Variants in ATRNL1 observed in about 807,000 individuals in gnomAD.
ATRNL1 encodes the protein attractin-like protein 1.
A neutral mutation model predicts 182.7 loss-of-function variants in ATRNL1; 95 were observed. The ratio of observed to expected loss-of-function variants is 0.52; its 90% CI spans 0.44 to 0.62. The LOEUF (loss-of-function observed/expected upper bound fraction) is 0.62. Ranked by LOEUF, ATRNL1 falls within the 20% of genes least tolerant of loss-of-function variation. ATRNL1 has a pLI of 0.00. For synonymous variants in ATRNL1, 576 were observed against 568.3 expected (o/e 1.01, Z -0.19); for missense variants, 1,471 against 1,679.5 (o/e 0.88, Z 2.17).
intron 26 of ATRNL1, among the ~76,000 whole-genome samples, chr10:115,629,299 G>A (rs1399575052): frequency 6.6e-6 from 1 of 152,134 alleles, no homozygotes; most frequent in Non-Finnish European, 1.5e-5. Flanking sequence ...AACAATTTAA[G>A]TTCAGTCTGA....
At chr10:115,136,670 A>G (rs1295541393) in intron 5 of ATRNL1, among the ~76,000 whole-genome samples, 2 of 152,200 alleles carry the variant, frequency 1.3e-5, no homozygotes, top group Non-Finnish European at 2.9e-5. Context: ...TTTCCCAAAT[A>G]TCATATGGTT....
chr10:115,531,912 C>G (rs1382833198), intron 25 of ATRNL1, among the ~76,000 whole-genome samples: 2 of 145,620 alleles, frequency 1.4e-5, no homozygotes, highest in Non-Finnish European at 3.1e-5. Context: ...TTGTTTTTCT[C>G]AGGTTTGTCA....
intron 26 of ATRNL1, among the ~76,000 whole-genome samples, chr10:115,622,436 GT>G (rs1857828188): frequency 6.6e-6 from 1 of 152,166 alleles, no homozygotes; most frequent in South Asian, 2.1e-4. Flanking sequence ...ATTGGCAAAA[GT>G]TTTTGTTACA....
Position 115,810,203 on chromosome 10 carries a change from A to G in ATRNL1, c.3904-37674A>G, listed in dbSNP as rs544134498. Among the ~76,000 whole-genome samples, 6 of 152,028 alleles carry G rather than the reference A, an allele frequency of 3.9e-5. No individual in the cohort carries two copies. The East Asian group carries it at 9.7e-4, about 24-fold the overall frequency. ...ATTCAATTTGCCAATTTGTAAAAGG[A>G]TTTTTACTGAGATGTTGATAAAGTA... On this transcript the variant is annotated intron_variant, in intron 27 of 28. Transcript: ENST00000355044.
intron 20 of ATRNL1, among the ~76,000 whole-genome samples, chr10:115,416,182 T>A (rs377668663): frequency 6.6e-6 from 1 of 152,118 alleles, no homozygotes; most frequent in South Asian, 2.1e-4. Flanking sequence ...AAAGAATAAA[T>A]AATGTCTTTC....
At chr10:115,220,162 C>G (rs1036217483) in intron 9 of ATRNL1, among the ~76,000 whole-genome samples, 5 of 152,120 alleles carry the variant, frequency 3.3e-5, no homozygotes, top group African/African-American at 1.2e-4. Context: ...GCAGTCTCTC[C>G]TAAAAGACTA....
intron 21 of ATRNL1, among the ~76,000 whole-genome samples, chr10:115,430,161 T>C (rs953409795): frequency 5.9e-5 from 9 of 152,318 alleles, no homozygotes; most frequent in Non-Finnish European, 7.4e-5. Flanking sequence ...TGCTATCTTC[T>C]TTTAAAACAG....
intron 5 of ATRNL1, among the ~76,000 whole-genome samples, chr10:115,141,099 A>G (rs190463807): frequency 2.0e-5 from 3 of 152,194 alleles, no homozygotes; most frequent in Non-Finnish European, 2.9e-5. Flanking sequence ...TGGAATATAA[A>G]CTCCAAGAAG....
chr10:115,164,895 T>G (rs1406294368), intron 6 of ATRNL1, among the ~76,000 whole-genome samples: 2 of 152,074 alleles, frequency 1.3e-5, no homozygotes, highest in African/African-American at 4.8e-5. Flanking sequence ...AAGGAATAAG[T>G]TGTAGTATTT....
chr10:115,698,320 G>A (rs782732850), intron 26 of ATRNL1, among the ~76,000 whole-genome samples: 1 of 152,100 alleles, frequency 6.6e-6, no homozygotes, highest in Non-Finnish European at 1.5e-5. Flanking sequence ...CATGATTTTT[G>A]TGAATTTTGC....
chr10:115,454,967 C>T (rs1383412617), intron 21 of ATRNL1, among the ~76,000 whole-genome samples: 10 of 152,100 alleles, frequency 6.6e-5, no homozygotes, highest in Non-Finnish European at 1.3e-4. Context: ...ACATCCCTTC[C>T]TTGTTCTGGA....
intron 8 of ATRNL1, among the ~76,000 whole-genome samples, chr10:115,186,136 T>A (rs1554888689): frequency 6.6e-6 from 1 of 151,742 alleles, no homozygotes; most frequent in African/African-American, 2.4e-5. Context: ...AAACAACAAC[T>A]TAAAACAACC....
At chr10:115,920,043 GTTGTT>G (rs1953001541) in intron 28 of ATRNL1, among the ~76,000 whole-genome samples, 1 of 152,094 alleles carries the variant, frequency 6.6e-6, no homozygotes, top group Non-Finnish European at 1.5e-5. Context: ...GAAATTTATA[GTTGTT>G]TTAAGAGTCT....
intron 19 of ATRNL1, among the ~76,000 whole-genome samples, chr10:115,337,712 C>A (rs899717091): frequency 6.6e-6 from 1 of 152,096 alleles, no homozygotes; most frequent in African/African-American, 2.4e-5. Context: ...CATGTTGTTG[C>A]AAATGACAGG....
chr10:115,145,358 T>C (rs1169398423), intron 5 of ATRNL1, among the ~76,000 whole-genome samples: 3 of 152,234 alleles, frequency 2.0e-5, no homozygotes, highest in East Asian at 1.9e-4. Context: ...AAAGAGTAAA[T>C]TGGAAACCAT....
At chr10:115,490,012 G>A (rs1465379982) in intron 24 of ATRNL1, among the ~76,000 whole-genome samples, 1 of 152,026 alleles carries the variant, frequency 6.6e-6, no homozygotes, top group Non-Finnish European at 1.5e-5. Context: ...TGAAATTCTG[G>A]GTTGAAAATT....
chr10:115,240,640 C>T (rs1422683831), intron 9 of ATRNL1, among the ~76,000 whole-genome samples: 3 of 151,948 alleles, frequency 2.0e-5, no homozygotes, highest in African/African-American at 4.8e-5. Context: ...CTATACTTTA[C>T]GTATTAGCTA....
At chr10:115,406,248 G>A (rs1373548749) in intron 20 of ATRNL1, among the ~76,000 whole-genome samples, 8 of 152,058 alleles carry the variant, frequency 5.3e-5, no homozygotes, top group African/African-American at 1.9e-4. Context: ...TCTAGTTCTA[G>A]ATCCCTGAGG....
intron 1 of ATRNL1, among the ~76,000 whole-genome samples, chr10:115,116,760 G>T (rs1554870081): frequency 6.6e-6 from 1 of 152,016 alleles, no homozygotes; most frequent in East Asian, 1.9e-4. Context: ...GCTTCCAGTG[G>T]ACTGGTATTG....
Sources: gnomAD v4.1 joint callset for allele counts (sites outside exome capture counted in the v4.1 genomes callset) on GRCh38, gnomAD v4.1.1 for gene constraint, MANE v1.5 for transcripts, NCBI Gene and HGNC (gene_info 2026-07-23, HGNC 2026-07-21) for gene names.